ERGIC1: variants seen among roughly 807,000 people sequenced by gnomAD.
ERGIC1 encodes the protein endoplasmic reticulum-golgi intermediate compartment 1.
Under a neutral mutation model 38.3 loss-of-function variants are expected in ERGIC1, and 19 were observed. The observed-to-expected ratio is 0.50, with a 90% CI of 0.35 to 0.73. ERGIC1 has a LOEUF of 0.73. ERGIC1 is among the 30% of genes least tolerant of loss of function. The pLI is 0.01. For synonymous variants in ERGIC1, 124 were observed against 157.6 expected, an observed-to-expected ratio of 0.79 and a Z score of 1.60; for missense variants, 294 against 389.2, an observed-to-expected ratio of 0.76 and a Z score of 2.06.
At chr5:172,911,276 G>A (rs999245616) in intron 4 of ERGIC1, among the ~76,000 whole-genome samples, 4 of 152,200 alleles carry the variant, frequency 2.6e-5, no homozygotes, top group African/African-American at 9.7e-5. Context: ...GTTGAAATAG[G>A]TCGGTCTTAT....
intron 1 of ERGIC1, among the ~76,000 whole-genome samples, chr5:172,863,199 C>T (rs920867655): frequency 2.6e-5 from 4 of 152,238 alleles, no homozygotes; most frequent in Non-Finnish European, 5.9e-5. Flanking sequence ...GATCCGCCCA[C>T]CTCGGCCTCC....
intron 9 of ERGIC1, among the ~76,000 whole-genome samples, chr5:172,950,039 C>G (rs866489824): frequency 2.0e-5 from 3 of 152,174 alleles, no homozygotes; most frequent in Admixed American, 6.5e-5. Context: ...CGCCACTGCA[C>G]TCCAGCCTGG....
intron 9 of ERGIC1, among the ~76,000 whole-genome samples, chr5:172,942,458 T>C (rs1286551855): frequency 6.6e-6 from 1 of 152,152 alleles, no homozygotes; most frequent in Non-Finnish European, 1.5e-5. Context: ...TAGTCATCTC[T>C]GGTCTCCAGA....
chr5:172,876,753 G>A (rs1278418590), intron 1 of ERGIC1, among the ~76,000 whole-genome samples: 1 of 152,160 alleles, frequency 6.6e-6, no homozygotes, highest in African/African-American at 2.4e-5. Context: ...TCCCTGGGCA[G>A]CTGATGATCT....
intron 4 of ERGIC1, among the ~76,000 whole-genome samples, chr5:172,910,126 ATG>A (rs1763170043): frequency 6.6e-6 from 1 of 152,164 alleles, no homozygotes; most frequent in Non-Finnish European, 1.5e-5. Context: ...ATAAGCAAAG[ATG>A]TGTGTTCAGC....
At chr5:172,898,770 A>G (rs555108253) in intron 3 of ERGIC1, among the ~76,000 whole-genome samples, 11 of 152,246 alleles carry the variant, frequency 7.2e-5, no homozygotes, top group South Asian at 2.1e-4. Flanking sequence ...TTCCCAAGAC[A>G]TGACCCTGTG....
At chr5:172,886,407 G>A (rs1762418171) in intron 1 of ERGIC1, among the ~76,000 whole-genome samples, 1 of 151,966 alleles carries the variant, frequency 6.6e-6, no homozygotes, top group African/African-American at 2.4e-5. Flanking sequence ...GAGGACCCCA[G>A]GCCAAGTCAG....
At chr5:172,872,450 G>A (rs919139392) in intron 1 of ERGIC1, among the ~76,000 whole-genome samples, 1 of 152,110 alleles carries the variant, frequency 6.6e-6, no homozygotes, top group African/African-American at 2.4e-5. Flanking sequence ...ATCCTGCACT[G>A]TGCTTTTACC....
At chr5:172,947,122 G>A (rs569109235) in intron 9 of ERGIC1, among the ~76,000 whole-genome samples, 24 of 150,846 alleles carry the variant, frequency 1.6e-4, no homozygotes, top group East Asian at 1.4e-3. Context: ...AGTGGAGGTT[G>A]CAGTGAGCCG....
chr5:172,873,226 G>T (rs145266404), intron 1 of ERGIC1, among the ~76,000 whole-genome samples: 4 of 152,198 alleles, frequency 2.6e-5, no homozygotes, highest in African/African-American at 4.8e-5. Flanking sequence ...GTTCTATCCC[G>T]GTGTGGGGCC....
intron 1 of ERGIC1, among the ~76,000 whole-genome samples, chr5:172,857,562 A>C (rs940480768): frequency 1.3e-5 from 2 of 150,464 alleles, no homozygotes; most frequent in African/African-American, 4.9e-5. Context: ...CAGTTTCCTC[A>C]CCTGTAACAA....
At position 172,950,990 on chromosome 5, in the gene ERGIC1, G is replaced by A. The variant is rs986806600; in HGVS notation, c.*174G>A. 2.6e-5 allele frequency: 14 copies of A among 538,844 alleles called. No individual in the cohort carries two copies. The highest frequency in any genetic ancestry group is 2.9e-5 in the Non-Finnish European group (9 of 311,272). 33.4% of individuals were successfully genotyped at this position (538,844 alleles called of 1,614,324 possible). A position where few individuals can be genotyped will look rare whatever the true frequency, so the allele number is the denominator to read the frequency against. On this transcript the variant is annotated 3_prime_UTR_variant, in exon 10 of 10. Coordinates refer to ENST00000393784, the MANE Select transcript of ERGIC1 (RefSeq NM_001031711.3). ...TGTTTTGCAGCTACCTCTTTTCCCCGTGTTTCTTTTTAGACAAATTACACT... is the reference window on the plus strand; with the variant it reads ...TGTTTTGCAGCTACCTCTTTTCCCCATGTTTCTTTTTAGACAAATTACACT...
At chr5:172,906,149 G>A (rs1273908734) in intron 3 of ERGIC1, 2 of 456,194 alleles carry the variant, frequency 4.4e-6, no homozygotes, top group Non-Finnish European at 8.8e-6. Flanking sequence ...GCCTCTGATT[G>A]GGGCCAACAC....
intron 1 of ERGIC1, among the ~76,000 whole-genome samples, chr5:172,836,628 G>A (rs963931127): frequency 3.0e-4 from 46 of 152,188 alleles, no homozygotes; most frequent in Non-Finnish European, 2.9e-5. Context: ...CCGCTTCAGT[G>A]TGCATTCATC....
intron 9 of ERGIC1, chr5:172,936,914 A>C (rs970295468): frequency 1.3e-5 from 2 of 152,098 alleles, no homozygotes; most frequent in African/African-American, 4.8e-5. Context: ...TGAGAGGATC[A>C]CTTGAGCCCA....
intron 7 of ERGIC1, among the ~76,000 whole-genome samples, chr5:172,927,340 T>C (rs1366357528): frequency 3.3e-5 from 5 of 152,196 alleles, no homozygotes; most frequent in Non-Finnish European, 7.3e-5. Context: ...TCTCCCATTG[T>C]CAGGGATCCA....
chr5:172,890,952 C>T (rs929383760), intron 2 of ERGIC1, among the ~76,000 whole-genome samples: 5 of 152,216 alleles, frequency 3.3e-5, no homozygotes, highest in African/African-American at 1.2e-4. Flanking sequence ...AGCACAGCCC[C>T]GTGGCAGGAT....
intron 9 of ERGIC1, among the ~76,000 whole-genome samples, chr5:172,950,342 G>T (rs116979985): frequency 1.3e-5 from 2 of 152,172 alleles, no homozygotes; most frequent in South Asian, 4.1e-4. Context: ...GAGTTAAGAC[G>T]TACCTGTGTT....
intron 1 of ERGIC1, among the ~76,000 whole-genome samples, chr5:172,864,750 C>G (rs927878017): frequency 7.2e-5 from 11 of 152,158 alleles, no homozygotes; most frequent in East Asian, 3.9e-4. Context: ...TGTCCCCCCC[C>G]CTTTTTTTTT....
Sources: gnomAD v4.1 joint callset for allele counts (sites outside exome capture counted in the v4.1 genomes callset) on GRCh38, gnomAD v4.1.1 for gene constraint, MANE v1.5 for transcripts, NCBI Gene and HGNC (gene_info 2026-07-23, HGNC 2026-07-21) for gene names.